Variants in TRMT1L observed in about 807,000 individuals in gnomAD.
TRMT1L encodes tRNA methyltransferase 1L.
TRMT1L carries 28 observed loss-of-function variants against 81.6 expected under a neutral mutation model. The ratio of observed to expected loss-of-function variants is 0.34; its 90% CI spans 0.25 to 0.47. The LOEUF (loss-of-function observed/expected upper bound fraction) is 0.47, where lower values mean the gene tolerates loss of function less well. Among genes scored for constraint, TRMT1L ranks in the 20% least tolerant of loss-of-function variants. The pLI, the probability that TRMT1L is intolerant of heterozygous loss-of-function variation, is 1.00. For missense variants in TRMT1L, 739 were observed against 877.1 expected (o/e 0.84, Z 1.99); for synonymous variants, 301 against 303.2 (o/e 0.99, Z 0.07).
chr1:185,124,014 A>G, intron 12 of TRMT1L, 95 bp from the exon 13 acceptor site: 1 of 684,962 alleles, frequency 1.5e-6, no homozygotes, highest in Non-Finnish European at 2.3e-6. Flanking sequence ...TTCCATCCAC[A>G]CTATTTTCAC....
At chr1:185,139,634 A>T in intron 8 of TRMT1L, 55 bp from the exon 9 acceptor site, 1 of 1,185,364 alleles carries the variant, frequency 8.4e-7, no homozygotes, top group Non-Finnish European at 1.2e-6. Flanking sequence ...CAAAAATTAT[A>T]CCACTGTAAT....
Position 185,119,891 on chromosome 1 carries a change from T to C in TRMT1L, c.*128A>G. On this transcript the variant is annotated 3_prime_UTR_variant, in exon 15 of 15. Transcript: ENST00000367506. The stretch of plus-strand genomic sequence containing the variant: ...GCTAAGTTAGAAACTGCTCAGTTTC[T>C]GAATGAAAATGACACTGTTTTTTAT... 8.4e-7 allele frequency: 1 copy of C among 1,184,172 alleles called. No individual in the cohort carries two copies. Among genetic ancestry groups the C allele is most frequent in the African/African-American group, 1.5e-5 (1 of 65,808 alleles). The allele number at this position is 1,184,172 out of a possible 1,614,324, so 73.4% of individuals were successfully genotyped here.
intron 1 of TRMT1L, among the ~76,000 whole-genome samples, chr1:185,152,453 G>A (rs1415614209): frequency 2.0e-5 from 3 of 152,232 alleles, no homozygotes; most frequent in Non-Finnish European, 4.4e-5. Flanking sequence ...GTAGAAGTAT[G>A]TGCAGCTGAA....
intron 13 of TRMT1L, 65 bp from the exon 14 acceptor site, chr1:185,120,574 A>G (rs781014066): frequency 4.2e-5 from 57 of 1,343,732 alleles, no homozygotes; most frequent in Non-Finnish European, 4.6e-5. Context: ...TTTTATAACT[A>G]TATATTTATC....
chr1:185,156,422 A>T, intron 1 of TRMT1L, 56 bp downstream of exon 1: 3 of 1,613,146 alleles, frequency 1.9e-6, no homozygotes, highest in Non-Finnish European at 2.5e-6. Flanking sequence ...CCTACTTCCC[A>T]GCAAGGCGCA....
intron 5 of TRMT1L, 67 bp downstream of exon 5, chr1:185,145,372 A>T: frequency 6.7e-7 from 1 of 1,494,390 alleles, no homozygotes. Context: ...CTGATGTCTG[A>T]AAATAATAAC....
intron 10 of TRMT1L, 21 bp from the exon 11 acceptor site, chr1:185,128,768 G>A (rs1652696662): frequency 6.3e-7 from 1 of 1,584,860 alleles, no homozygotes; most frequent in Non-Finnish European, 8.6e-7. Context: ...ATAATAAAAG[G>A]AGAAATCAAA....
chr1:185,156,074 C>T (rs1225704200), intron 1 of TRMT1L, among the ~76,000 whole-genome samples: 1 of 152,204 alleles, frequency 6.6e-6, no homozygotes, highest in Non-Finnish European at 1.5e-5. Flanking sequence ...GGATCTACTA[C>T]CGTAAACAGG....
In TRMT1L at chr1:185,120,164, G is replaced by T. The variant is rs763217069; in HGVS notation, c.2057C>A (p.Ser686Tyr). The T allele has an allele frequency of 6.2e-7, 1 of 1,613,930 alleles. No individual in the cohort carries two copies. The highest frequency in any genetic ancestry group is 1.1e-5 in the South Asian group (1 of 91,052). ...RTDAPLMQFKSILLKYSTPTY... is the reference protein window; with the variant it reads ...RTDAPLMQFKYILLKYSTPTY... ...GGGGGTGCTGTACTTTAAAAGGATA[G>T]ATTTAAACTGCATCAGAGGTGCATC... The change falls in exon 15 of 15, where the codon TCT becomes TAT. Residue 686 changes from serine (S) to tyrosine (Y), a missense_variant. Coordinates refer to ENST00000367506, the MANE Select transcript of TRMT1L (RefSeq NM_030934.5).
rs146398442 is a variant in TRMT1L, at chr1:185,129,717, G to C, written c.1514-970C>G. 2.1e-3 allele frequency among the ~76,000 whole-genome samples: 323 copies of C among 152,254 alleles called. 1 individual carries two copies. Among genetic ancestry groups the C allele is most frequent in the African/African-American group, 7.5e-3 (313 of 41,536 alleles). On this transcript the variant is annotated intron_variant, in intron 10 of 14. Coordinates refer to ENST00000367506, the MANE Select transcript of TRMT1L (RefSeq NM_030934.5). ...ACTCTGCTATTCAATACAATTATTG[G>C]TATAATGCATAGTTATGAGATCTTA... is the stretch of plus-strand genomic sequence containing the variant.
At chr1:185,150,765 T>C (rs1231186226) in intron 2 of TRMT1L, among the ~76,000 whole-genome samples, 1 of 152,216 alleles carries the variant, frequency 6.6e-6, no homozygotes, top group Admixed American at 6.5e-5. Context: ...AGTGATAAAC[T>C]GTATGACATC....
chr1:185,143,466 T>C lies in TRMT1L; in HGVS notation c.780-30A>G, dbSNP rs376933625. ...AAGGAAATCATAATCTGAAATAACT[T>C]TACCATGGCTTCACCATCATAGATT... On this transcript the variant is annotated intron_variant, in intron 6 of 14. Coordinates refer to ENST00000367506, the MANE Select transcript of TRMT1L (RefSeq NM_030934.5). 12 of 1,567,730 alleles carry C rather than the reference T, an allele frequency of 7.7e-6. No individual in the cohort carries two copies. In the African/African-American group the frequency reaches 1.6e-4, roughly 21 times the overall value.
chr1:185,144,946 C>A (rs529758676), intron 5 of TRMT1L, among the ~76,000 whole-genome samples: 2 of 151,478 alleles, frequency 1.3e-5, no homozygotes, highest in Non-Finnish European at 3.0e-5. Flanking sequence ...GTACGTAGTG[C>A]CATTCTGGAC....
At position 185,119,851 on chromosome 1, in the gene TRMT1L, A is replaced by G; in HGVS notation, c.*168T>C. On this transcript the variant is annotated 3_prime_UTR_variant, in exon 15 of 15. Coordinates refer to ENST00000367506, the MANE Select transcript of TRMT1L (RefSeq NM_030934.5). ...TAAAACAAAAAAAAACTTGGAAAGC[A>G]AAGCTCCCAAACCAGCTAAGTTAGA... 1 of 823,426 alleles carries G rather than the reference A, an allele frequency of 1.2e-6. No individual in the cohort carries two copies. Among genetic ancestry groups the G allele is most frequent in the Non-Finnish European group, 1.8e-6 (1 of 569,778 alleles). 51.0% of individuals were successfully genotyped at this position (823,426 alleles called of 1,614,324 possible).
Position 185,156,673 on chromosome 1 carries a change from T to C in TRMT1L, c.40A>G (p.Lys14Glu), listed in dbSNP as rs770277883. The change falls in exon 1 of 15, where the codon AAG becomes GAG. Residue 14 changes from lysine (K) to glutamate (E), a missense_variant. Transcript: ENST00000367506. ...MAEEELLPLE[K>E]EEVEVAQVQV... ...ACCTGGGCCACCTCCACCTCCTCCTTCTCCAGGGGCAGCAGCTCCTCCTCC... is the reference window on the plus strand; with the variant it reads ...ACCTGGGCCACCTCCACCTCCTCCTCCTCCAGGGGCAGCAGCTCCTCCTCC... 6.2e-7 allele frequency: 1 copy of C among 1,611,738 alleles called. No individual in the cohort carries two copies. The highest frequency in any genetic ancestry group is 2.2e-5 in the East Asian group (1 of 44,714).
At chr1:185,120,659 G>A (rs189409291) in intron 13 of TRMT1L, 150 bp from the exon 14 acceptor site, 2 of 682,676 alleles carry the variant, frequency 2.9e-6, no homozygotes, top group Non-Finnish European at 4.1e-6. Flanking sequence ...CTATTTTCAC[G>A]GTCCTTCACT....
intron 13 of TRMT1L, 43 bp from the exon 14 acceptor site, chr1:185,120,552 C>T (rs1299887000): frequency 2.0e-6 from 3 of 1,466,322 alleles, no homozygotes; most frequent in Admixed American, 2.4e-5. Flanking sequence ...TTAAAAATTA[C>T]AAGCCAAATA....
At chr1:185,131,979 A>G (rs1477533731) in intron 10 of TRMT1L, among the ~76,000 whole-genome samples, 1 of 151,036 alleles carries the variant, frequency 6.6e-6, no homozygotes, top group Non-Finnish European at 1.5e-5. Context: ...TGTCTCTACT[A>G]AAAATACAAA....
intron 11 of TRMT1L, 77 bp downstream of exon 11, chr1:185,128,590 CCA>C: frequency 7.5e-7 from 1 of 1,336,616 alleles, no homozygotes. Flanking sequence ...TTGTCTTTTA[CCA>C]CACATAATAA....
Sources: gnomAD v4.1 joint callset for allele counts (sites outside exome capture counted in the v4.1 genomes callset) on GRCh38, gnomAD v4.1.1 for gene constraint, MANE v1.5 for transcripts, NCBI Gene and HGNC (gene_info 2026-07-23, HGNC 2026-07-21) for gene names.